Variants in ITGA2B observed in about 807,000 individuals in gnomAD.
ITGA2B encodes integrin subunit alpha 2b, also known as integrin alpha-IIb.
Under a neutral mutation model 142.0 loss-of-function variants are expected in ITGA2B, and 91 were observed. That is an observed-to-expected ratio of 0.64 (90% CI 0.54 to 0.76). ITGA2B has a LOEUF of 0.76. Ranked by LOEUF, ITGA2B falls within the 30% of genes least tolerant of loss-of-function variation. The probability of loss-of-function intolerance (pLI) is 0.00; values close to 1 mark genes in which losing one functional copy is unlikely to be tolerated. For synonymous variants in ITGA2B, 536 were observed against 567.2 expected (o/e 0.94, Z 0.78); for missense variants, 1,231 against 1,350.8 (o/e 0.91, Z 1.39).
In ITGA2B at chr17:44,380,309, G is replaced by T. The variant is rs41361752; in HGVS notation, c.1545-8C>A. Reference sequence around the variant, plus strand: ...CACATCTGGATGTTGAAGCTGCAAAGACGTAAGTGGGGCTCAGGGGTTGGA... The same window carrying T: ...CACATCTGGATGTTGAAGCTGCAAATACGTAAGTGGGGCTCAGGGGTTGGA... On this transcript the variant is annotated splice_polypyrimidine_tract_variant and splice_region_variant and intron_variant, in intron 15 of 29. Coordinates refer to ENST00000262407, the MANE Select transcript of ITGA2B (RefSeq NM_000419.5). The T allele has an allele frequency of 2.5e-3, 4,092 of 1,614,230 alleles. 95 individuals carry two copies. In the African/African-American group the frequency reaches 0.047, roughly 19 times the overall value.
In ITGA2B at chr17:44,385,541, T is replaced by G. The variant is rs771984157; in HGVS notation, c.574+10A>C. On this transcript the variant is annotated intron_variant, in intron 4 of 29. Coordinates refer to ENST00000262407, the MANE Select transcript of ITGA2B (RefSeq NM_000419.5). Reference sequence around the variant, plus strand: ...CGAGTGGGCGGGGCCAGGTCGTAGCTGGCGCTTACTAAAATCATTTTCCAC... The same window carrying G: ...CGAGTGGGCGGGGCCAGGTCGTAGCGGGCGCTTACTAAAATCATTTTCCAC... 6.4e-7 allele frequency: 1 copy of G among 1,554,038 alleles called. No individual in the cohort carries two copies. Among genetic ancestry groups the G allele is most frequent in the East Asian group, 2.4e-5 (1 of 42,168 alleles).
Position 44,386,144 on chromosome 17 carries a change from G to C in ITGA2B, c.189-13C>G. On this transcript the variant is annotated splice_polypyrimidine_tract_variant and intron_variant, in intron 1 of 29. Coordinates refer to ENST00000262407, the MANE Select transcript of ITGA2B (RefSeq NM_000419.5). Reference sequence around the variant, plus strand: ...CACGATGGCCACTCTGCATAGGAAAGCTGGGTGAGCGCCGCGCAGATTCCA... The same window carrying C: ...CACGATGGCCACTCTGCATAGGAAACCTGGGTGAGCGCCGCGCAGATTCCA... 6.3e-7 allele frequency: 1 copy of C among 1,582,890 alleles called. No homozygotes were observed. Among genetic ancestry groups the C allele is most frequent in the Non-Finnish European group, 8.6e-7 (1 of 1,167,524 alleles).
chr17:44,384,427 A>C, intron 8 of ITGA2B, 73 bp from the exon 9 acceptor site: 1 of 1,607,842 alleles, frequency 6.2e-7, no homozygotes, highest in Non-Finnish European at 8.5e-7. Flanking sequence ...CCCGTTCTGC[A>C]CCCAGGGAAA....
At chr17:44,387,043 G>A (rs1449846106) in intron 1 of ITGA2B, among the ~76,000 whole-genome samples, 1 of 151,330 alleles carries the variant, frequency 6.6e-6, no homozygotes, top group East Asian at 2.0e-4. Flanking sequence ...TTACAGGCGT[G>A]AGCCTCTGTG....
intron 7 of ITGA2B, 77 bp from the exon 8 acceptor site, chr17:44,384,662 T>C: frequency 6.6e-7 from 1 of 1,524,938 alleles, no homozygotes; most frequent in African/African-American, 1.4e-5. Context: ...AGGAGGAGAT[T>C]AAGGCCACTC....
Position 44,372,443 on chromosome 17 carries a change from A to G in ITGA2B, c.3061-20T>C. The G allele has an allele frequency of 6.2e-7, 1 of 1,612,600 alleles. No individual in the cohort carries two copies. Among genetic ancestry groups the G allele is most frequent in the Non-Finnish European group, 8.5e-7 (1 of 1,178,742 alleles). ...GCCGACCTGGGGGTACACGGGGGCC[A>G]AGGTCAGGGTATACAGATGATTTGC... is the stretch of plus-strand genomic sequence containing the variant. On this transcript the variant is annotated intron_variant, in intron 29 of 29. Coordinates refer to ENST00000262407, the MANE Select transcript of ITGA2B (RefSeq NM_000419.5).
Position 44,380,011 on chromosome 17 carries a change from G to A in ITGA2B, c.1743C>T (p.Ala581=), listed in dbSNP as rs1441500041. The A allele has an allele frequency of 1.9e-6, 3 of 1,613,386 alleles. No homozygotes were observed. The highest frequency in any genetic ancestry group is 1.7e-5 in the Admixed American group (1 of 60,016). ...KHSPICHTTM[A]FLRDEADFRD... Reference sequence around the variant, plus strand: ...CCCTGCCTGGGCGTACTCGAAGGAAGGCCATGGTGGTGTGGCAGATGGGGC... The same window carrying A: ...CCCTGCCTGGGCGTACTCGAAGGAAAGCCATGGTGGTGTGGCAGATGGGGC... Residue 581 remains alanine, a synonymous_variant, in exon 17 of 30, where the codon GCC becomes GCT. Coordinates refer to ENST00000262407, the MANE Select transcript of ITGA2B (RefSeq NM_000419.5).
rs2048614103 is a variant in ITGA2B, at chr17:44,383,537, G to A, written c.1166C>T (p.Ser389Phe). The change falls in exon 12 of 30, where the codon TCT becomes TTT. Residue 389 changes from serine to phenylalanine, a missense_variant. Transcript: ENST00000262407. ...TGTQLYGRFG[S>F]AIAPLGDLDR... ...GAGGTCGCCCAGGGGTGCGATGGCA[G>A]AGCCGAATCGCCCATAGAGCTGTGT... is the stretch of plus-strand genomic sequence containing the variant. 6.2e-7 allele frequency: 1 copy of A among 1,611,418 alleles called. No homozygotes were observed. The highest frequency in any genetic ancestry group is 2.2e-5 in the East Asian group (1 of 44,880).
Position 44,378,423 on chromosome 17 carries a change from G to A in ITGA2B, c.2033C>T (p.Ala678Val), listed in dbSNP as rs200481952. Reference protein sequence around the residue: ...AANEGEGAYEAELAVHLPQGA... With the variant: ...AANEGEGAYEVELAVHLPQGA... ...CTGGGGCAGGTGCACGGCCAGCTCT[G>A]CTTCATAGGCCCCCTCGCCCTCGTT... The change falls in exon 20 of 30, where the codon GCA becomes GTA. Residue 678 changes from alanine (A) to valine (V), a missense_variant. Coordinates refer to ENST00000262407, the MANE Select transcript of ITGA2B (RefSeq NM_000419.5). 1.1e-4 allele frequency: 174 copies of A among 1,613,556 alleles called. No homozygotes were observed. In the Middle Eastern group the frequency reaches 1.3e-3, roughly 12 times the overall value.
chr17:44,375,145 C>T, intron 26 of ITGA2B, 34 bp from the exon 27 acceptor site: 2 of 1,518,322 alleles, frequency 1.3e-6, no homozygotes, highest in Non-Finnish European at 1.8e-6. Flanking sequence ...CCAGCCCGTC[C>T]CGGCCCATCA....
At position 44,380,047 on chromosome 17, in the gene ITGA2B, G is replaced by A. The variant is rs368190179; in HGVS notation, c.1707C>T (p.Gly569=). ...TGTGGCAGATGGGGCTGTGCTTTCC[G>A]CCCAGATCCAGGTTCAGGGTGGTGC... ...QAGTTLNLDL[G]GKHSPICHTT... is the part of the protein sequence containing the mutation. Residue 569 remains glycine, a synonymous_variant, in exon 17 of 30, where the codon GGC becomes GGT. Coordinates refer to ENST00000262407, the MANE Select transcript of ITGA2B (RefSeq NM_000419.5). The A allele has an allele frequency of 1.2e-4, 195 of 1,613,764 alleles. No homozygotes were observed. The highest frequency in any genetic ancestry group is 1.5e-4 in the Non-Finnish European group (182 of 1,180,034).
At position 44,381,097 on chromosome 17, in the gene ITGA2B, T is replaced by C. The variant is rs1276318163; in HGVS notation, c.1211-36A>G. The C allele has an allele frequency of 1.9e-6, 3 of 1,596,490 alleles. No individual in the cohort carries two copies. The South Asian group carries it at 3.3e-5, about 18-fold the overall frequency. On this transcript the variant is annotated intron_variant, in intron 12 of 29. Coordinates refer to ENST00000262407, the MANE Select transcript of ITGA2B (RefSeq NM_000419.5). Reference sequence around the variant, plus strand: ...TAACAGAAAGGAAGTGGCTGATTGTTATTCAGCCTCCCTAGATGACTGTAA... The same window carrying C: ...TAACAGAAAGGAAGTGGCTGATTGTCATTCAGCCTCCCTAGATGACTGTAA...
intron 25 of ITGA2B, 35 bp from the exon 26 acceptor site, chr17:44,375,751 C>G: frequency 2.6e-6 from 4 of 1,558,080 alleles, no homozygotes; most frequent in East Asian, 2.4e-5. Context: ...GCCCAGGTCT[C>G]CCCCGAACCC....
chr17:44,383,526 G>C lies in ITGA2B; in HGVS notation c.1177C>G (p.Pro393Ala). ...CCATCCCGGTCGAGGTCGCCCAGGG[G>C]TGCGATGGCAGAGCCGAATCGCCCA... ...LYGRFGSAIAPLGDLDRDGYN... is the reference protein window; with the variant it reads ...LYGRFGSAIAALGDLDRDGYN... The change falls in exon 12 of 30, where the codon CCC (proline) becomes GCC (alanine). Residue 393 changes from proline (P) to alanine (A), a missense_variant. Pro to Ala is a conservative substitution (Grantham distance 27). This residue lies in a region of ITGA2B where 908 missense variants were observed against 1,021.1 expected (regional missense o/e 0.89). Coordinates refer to ENST00000262407, the MANE Select transcript of ITGA2B (RefSeq NM_000419.5). 2 of 1,611,010 alleles carry C rather than the reference G, an allele frequency of 1.2e-6. No homozygotes were observed. The highest frequency in any genetic ancestry group is 1.7e-6 in the Non-Finnish European group (2 of 1,179,942).
At chr17:44,388,356 T>C (rs984509894) in intron 1 of ITGA2B, among the ~76,000 whole-genome samples, 41 of 143,856 alleles carry the variant, frequency 2.9e-4, no homozygotes, top group Non-Finnish European at 4.3e-4. Context: ...CCTTTCTTTT[T>C]TTTTTTTTTT....
intron 26 of ITGA2B, 39 bp downstream of exon 26, chr17:44,375,552 C>T (rs1434561453): frequency 6.2e-7 from 1 of 1,609,836 alleles, no homozygotes; most frequent in Non-Finnish European, 8.5e-7. Context: ...CCCCGTGGGT[C>T]CCGGGGAGGC....
intron 7 of ITGA2B, 137 bp downstream of exon 7, chr17:44,384,811 G>A (rs2048629393): frequency 2.2e-5 from 32 of 1,432,196 alleles, no homozygotes; most frequent in Non-Finnish European, 3.0e-5. Flanking sequence ...GAAGCCGCAG[G>A]AGCGGAGGGC....
intron 7 of ITGA2B, 66 bp from the exon 8 acceptor site, chr17:44,384,651 AAGG>A (rs2048627848): frequency 8.9e-6 from 14 of 1,576,294 alleles, no homozygotes; most frequent in Middle Eastern, 1.7e-4. Flanking sequence ...GAGGGCAAAG[AAGG>A]AGGAGATTAA....
rs768738059 is a variant in ITGA2B, at chr17:44,380,265, G to A, written c.1581C>T (p.His527=). Residue 527 remains histidine, a synonymous_variant, in exon 16 of 30, where the codon CAC becomes CAT. Coordinates refer to ENST00000262407, the MANE Select transcript of ITGA2B (RefSeq NM_000419.5). ...NIQMCVGATG[H]NIPQKLSLNA... ...ACTCACATAGCTTCTGAGGAATGTTGTGCCCAGTGGCTCCAACACACATCT... is the reference window on the plus strand; with the variant it reads ...ACTCACATAGCTTCTGAGGAATGTTATGCCCAGTGGCTCCAACACACATCT... 5 of 1,614,170 alleles carry A rather than the reference G, an allele frequency of 3.1e-6. No homozygotes were observed. In the East Asian group the frequency reaches 1.1e-4, roughly 36 times the overall value.
Sources: gnomAD v4.1 joint callset for allele counts (sites outside exome capture counted in the v4.1 genomes callset) on GRCh38, gnomAD v4.1.1 for gene constraint, gnomAD v4.1.1 regional missense constraint, MANE v1.5 for transcripts, NCBI Gene and HGNC (gene_info 2026-07-23, HGNC 2026-07-21) for gene names.